The following ZNF385D variants were observed in gnomAD, a reference collection of about 807,000 sequenced individuals.
The protein encoded by ZNF385D is zinc finger protein 385D, also known as zinc finger protein 659.
ZNF385D carries 15 observed loss-of-function variants against 35.8 expected under a neutral mutation model. The ratio of observed to expected loss-of-function variants is 0.42; its 90% CI spans 0.28 to 0.64. The LOEUF is 0.64. Among genes scored for constraint, ZNF385D ranks in the 30% least tolerant of loss-of-function variants. ZNF385D has a pLI of 0.23. For synonymous variants in ZNF385D, 212 were observed against 186.8 expected, an observed-to-expected ratio of 1.13 and a Z score of -1.10; for missense variants, 474 against 494.6, an observed-to-expected ratio of 0.96 and a Z score of 0.39.
At chr3:22,067,181 A>T (rs1231924223) in intron 3 of ZNF385D, among the ~76,000 whole-genome samples, 1 of 152,228 alleles carries the variant, frequency 6.6e-6, no homozygotes, top group Non-Finnish European at 1.5e-5. Context: ...TTTATTCATC[A>T]CACTGCCTGT....
At chr3:21,830,093 C>T (rs1694892486) in intron 3 of ZNF385D, among the ~76,000 whole-genome samples, 1 of 151,678 alleles carries the variant, frequency 6.6e-6, no homozygotes, top group Non-Finnish European at 1.5e-5. Context: ...TACTGCATTC[C>T]AGCCTGGGTG....
At chr3:21,867,783 T>G (rs1697453410) in intron 3 of ZNF385D, among the ~76,000 whole-genome samples, 1 of 151,928 alleles carries the variant, frequency 6.6e-6, no homozygotes, top group Non-Finnish European at 1.5e-5. Context: ...TAGTCAGTTT[T>G]GAGACCTTAA....
intron 2 of ZNF385D, among the ~76,000 whole-genome samples, chr3:21,582,118 CT>C (rs938560514): frequency 5.3e-5 from 8 of 152,090 alleles, no homozygotes; most frequent in African/African-American, 1.7e-4. Context: ...CCATGGTATC[CT>C]ATATGTTATA....
chr3:21,847,486 G>T (rs912926662), intron 3 of ZNF385D, among the ~76,000 whole-genome samples: 4 of 151,964 alleles, frequency 2.6e-5, no homozygotes, highest in African/African-American at 9.7e-5. Context: ...TGATCCAATT[G>T]TTTTATGCTG....
At chr3:21,853,930 T>C (rs1016024429) in intron 3 of ZNF385D, among the ~76,000 whole-genome samples, 1 of 151,806 alleles carries the variant, frequency 6.6e-6, no homozygotes, top group Non-Finnish European at 1.5e-5. Flanking sequence ...AGAGTGATTA[T>C]GGCAGATTGG....
chr3:21,541,038 G>C (rs1193393490), intron 3 of ZNF385D, among the ~76,000 whole-genome samples: 1 of 152,174 alleles, frequency 6.6e-6, no homozygotes, highest in African/African-American at 2.4e-5. Flanking sequence ...GGCCAGTGTT[G>C]GGTGTAAGTA....
chr3:22,201,983 A>G (rs907272136), intron 2 of ZNF385D, among the ~76,000 whole-genome samples: 5 of 152,052 alleles, frequency 3.3e-5, no homozygotes, highest in Non-Finnish European at 5.9e-5. Flanking sequence ...ATGACATATT[A>G]AAAGAGTCCA....
At chr3:21,865,003 T>TTTTTTTTTTTC (rs1553687694) in intron 3 of ZNF385D, among the ~76,000 whole-genome samples, 1 of 148,240 alleles carries the variant, frequency 6.7e-6, no homozygotes, top group Non-Finnish European at 1.5e-5. Context: ...TTTTTTTTTT[T>TTTTTTTTTTTC]CTTCCACTTT....
intron 3 of ZNF385D, among the ~76,000 whole-genome samples, chr3:22,146,436 C>T (rs1220295076): frequency 6.6e-6 from 1 of 152,012 alleles, no homozygotes; most frequent in African/African-American, 2.4e-5. Context: ...TTTGCTTTCC[C>T]CTTTGTCTTA....
intron 1 of ZNF385D, among the ~76,000 whole-genome samples, chr3:21,725,256 C>G (rs2068710541): frequency 6.6e-6 from 1 of 152,100 alleles, no homozygotes; most frequent in Non-Finnish European, 1.5e-5. Context: ...AACACCCTAA[C>G]ATCACAATTA....
In ZNF385D at chr3:22,029,239, G is replaced by T. The variant is rs1438025258; in HGVS notation, c.325+139578C>A. Reference sequence around the variant, plus strand: ...CAGTGTTGGTTTGGGTGACTTACTTGCACTATCAAGATGAAATTAATCTAT... The same window carrying T: ...CAGTGTTGGTTTGGGTGACTTACTTTCACTATCAAGATGAAATTAATCTAT... On this transcript the variant is annotated intron_variant, in intron 3 of 5. Transcript: ENST00000494108. Among the ~76,000 whole-genome samples, 72 of 152,280 alleles carry T rather than the reference G, an allele frequency of 4.7e-4. 2 individuals carry two copies. The East Asian group carries it at 0.013, about 27-fold the overall frequency.
chr3:22,311,840 T>C (rs545537966), intron 2 of ZNF385D, among the ~76,000 whole-genome samples: 3 of 152,248 alleles, frequency 2.0e-5, no homozygotes, highest in East Asian at 3.9e-4. Context: ...TGTCAAGCCA[T>C]GAAATCAGAG....
At chr3:21,765,726 G>C (rs1410838535) in intron 3 of ZNF385D, among the ~76,000 whole-genome samples, 1 of 135,766 alleles carries the variant, frequency 7.4e-6, no homozygotes, top group African/African-American at 2.5e-5. Context: ...CACACACAGA[G>C]AGAGAAAGAG....
chr3:21,752,887 A>G (rs2070169358), upstream of ZNF385D, among the ~76,000 whole-genome samples: 1 of 152,198 alleles, frequency 6.6e-6, no homozygotes, highest in South Asian at 2.1e-4. Flanking sequence ...TCCCTCAGGC[A>G]AAAGAACCAT....
chr3:21,431,336 C>T (rs1701283788), intron 5 of ZNF385D, among the ~76,000 whole-genome samples: 1 of 152,120 alleles, frequency 6.6e-6, no homozygotes, highest in African/African-American at 2.4e-5. Context: ...TGTAATAATT[C>T]TTATTATTAG....
chr3:21,932,199 G>A (rs986822782), intron 3 of ZNF385D, among the ~76,000 whole-genome samples: 7 of 91,532 alleles, frequency 7.6e-5, no homozygotes, highest in African/African-American at 2.2e-4. Context: ...AAAAAAGTGT[G>A]ACTTGATCAA....
At chr3:22,028,872 C>T (rs1167454315) in intron 3 of ZNF385D, among the ~76,000 whole-genome samples, 1 of 152,142 alleles carries the variant, frequency 6.6e-6, no homozygotes, top group Admixed American at 6.5e-5. Flanking sequence ...GGGGACTATA[C>T]TTTGCAGGGC....
chr3:21,814,607 G>C (rs138335491), intron 3 of ZNF385D, among the ~76,000 whole-genome samples: 177 of 152,272 alleles, frequency 1.2e-3, no homozygotes, highest in African/African-American at 4.2e-3. Context: ...TAATGGTAAA[G>C]GGATGATTTC....
At chr3:21,977,183 G>A (rs530156074) in intron 3 of ZNF385D, among the ~76,000 whole-genome samples, 1 of 152,270 alleles carries the variant, frequency 6.6e-6, no homozygotes, top group Non-Finnish European at 1.5e-5. Flanking sequence ...ACAGCACTGT[G>A]GGGCTGCTAG....
Sources: allele counts gnomAD v4.1 joint callset (sites outside exome capture counted in the v4.1 genomes callset), GRCh38; gene constraint gnomAD v4.1.1; transcripts MANE v1.5; gene names NCBI Gene and HGNC (gene_info 2026-07-23, HGNC 2026-07-21).